SLC5A6: variants seen among roughly 807,000 people sequenced by gnomAD.
SLC5A6 encodes the protein solute carrier family 5 member 6, also known as sodium-dependent multivitamin transporter.
A neutral mutation model predicts 67.9 loss-of-function variants in SLC5A6; 31 were observed. That is an observed-to-expected ratio of 0.46 (90% CI 0.34 to 0.62). The LOEUF is 0.62. SLC5A6 is among the 20% of genes least tolerant of loss of function. The pLI, the probability that SLC5A6 is intolerant of heterozygous loss-of-function variation, is 0.01. For missense variants in SLC5A6, 673 were observed against 812.8 expected (o/e 0.83, Z 2.09); for synonymous variants, 343 against 331.0 (o/e 1.04, Z -0.39).
chr2:27,204,624 GCGTTAACAGACA>G (rs771975344), intron 8 of SLC5A6, 34 bp from the exon 9 acceptor site: 3 of 1,611,622 alleles, frequency 1.9e-6, no homozygotes, highest in Non-Finnish European at 2.5e-6. Flanking sequence ...AGGAGAGCCG[GCGTTAACAGACA>G]CCCTCAGGTG....
rs545962022 is a variant in SLC5A6 at position 27,201,063 on chromosome 2, G to A, written c.1699C>T (p.Pro567Ser). The change falls in exon 16 of 17, where the codon CCA (proline) becomes TCA (serine). Residue 567 changes from proline to serine, a missense_variant. By Grantham distance (74) the Pro-to-Ser change is moderately conservative. Coordinates refer to ENST00000310574, the MANE Select transcript of SLC5A6 (RefSeq NM_021095.4). ...LNPATIYPVLPKLLSLLPLSC... is the reference protein window; with the variant it reads ...LNPATIYPVLSKLLSLLPLSC... ...AACGGAAGGAGGGACAGGAGCTTTG[G>A]CAACACTGGGTAAATGGTTGCAGGG... 8.7e-6 allele frequency: 14 copies of A among 1,613,774 alleles called. No individual in the cohort carries two copies. In the African/African-American group the frequency reaches 1.6e-4, roughly 18 times the overall value.
At chr2:27,203,063 T>C (rs958475729) in intron 11 of SLC5A6, 170 bp downstream of exon 11, 3 of 1,494,356 alleles carry the variant, frequency 2.0e-6, no homozygotes, top group Non-Finnish European at 2.7e-6. Context: ...GAGACCTCCC[T>C]AGGACATGCC....
intron 6 of SLC5A6, 148 bp from the exon 7 acceptor site, chr2:27,205,652 TG>T: frequency 1.1e-6 from 1 of 945,866 alleles, no homozygotes. Context: ...TTTCTGTCTC[TG>T]GTGATATGTA....
chr2:27,207,020 G>C lies in SLC5A6; in HGVS notation c.394-78C>G. The C allele has an allele frequency of 1.6e-6, 2 of 1,272,382 alleles. No homozygotes were observed. The highest frequency in any genetic ancestry group is 2.3e-6 in the Non-Finnish European group (2 of 869,112). 78.8% of individuals were successfully genotyped at this position (1,272,382 alleles called of 1,614,324 possible). ...AGACAAATTCCCTCAAGATGCTCAG[G>C]AACATGAGGGAATATCCAACCCATA... On this transcript the variant is annotated intron_variant, in intron 3 of 16. Transcript: ENST00000310574. This position sits in a 1 kb window ranked among gnomAD's most constrained non-coding sequence, Gnocchi z 5.5.
intron 7 of SLC5A6, 147 bp from the exon 8 acceptor site, chr2:27,205,078 CGA>C: frequency 1.1e-6 from 1 of 900,018 alleles, no homozygotes; most frequent in Admixed American, 2.4e-5. Flanking sequence ...TGGGTGCACT[CGA>C]GAGACAGCAC....
intron 14 of SLC5A6, 93 bp downstream of exon 14, chr2:27,201,573 G>A: frequency 7.1e-7 from 1 of 1,405,556 alleles, no homozygotes; most frequent in East Asian, 2.3e-5. Flanking sequence ...CATTTCCCTG[G>A]GGCCTCTGGT....
chr2:27,200,721 G>A, intron 16 of SLC5A6, 142 bp from the exon 17 acceptor site: 2 of 713,528 alleles, frequency 2.8e-6, no homozygotes, highest in Non-Finnish European at 4.7e-6. Context: ...AAGAGGGAGG[G>A]CATAGCACAG....
chr2:27,206,421 T>A, intron 5 of SLC5A6, 62 bp downstream of exon 5: 2 of 1,488,798 alleles, frequency 1.3e-6, no homozygotes, highest in Non-Finnish European at 1.9e-6. Context: ...TCCATCTGCC[T>A]CTCCCAAAGG....
Position 27,201,452 on chromosome 2 carries a change from G to C in SLC5A6, c.1546C>G (p.Pro516Ala), listed in dbSNP as rs755123868. Residue 516 changes from proline (P) to alanine (A), a missense_variant and splice_region_variant, in exon 15 of 17, where the codon CCC becomes GCC. Coordinates refer to ENST00000310574, the MANE Select transcript of SLC5A6 (RefSeq NM_021095.4). ...GAATAGAACCGCTGCAGCCCTGTGG[G>C]CCTGGGAAGAGCAGAGGTGAGAACA... ...TLMPLTTFSK[P>A]TGLQRFYSLS... 2.5e-6 allele frequency: 4 copies of C among 1,603,208 alleles called. No individual in the cohort carries two copies. The highest frequency in any genetic ancestry group is 3.4e-6 in the Non-Finnish European group (4 of 1,170,072).
At chr2:27,212,349 G>C (rs1572408101), upstream of SLC5A6, 1 of 1,550,074 alleles carries the variant, frequency 6.5e-7, no homozygotes, top group East Asian at 2.4e-5. Context: ...GCGAGCAGCG[G>C]AGCACCAAGG....
chr2:27,212,623 A>G (rs1453592880), upstream of SLC5A6: 2 of 1,414,302 alleles, frequency 1.4e-6, no homozygotes, highest in East Asian at 5.5e-5. Flanking sequence ...GTTCCCAAGT[A>G]CTCACGTCGT....
chr2:27,205,563 C>T, intron 6 of SLC5A6, 59 bp from the exon 7 acceptor site: 4 of 1,585,542 alleles, frequency 2.5e-6, no homozygotes, highest in Non-Finnish European at 3.5e-6. Context: ...CTTGTCCAAC[C>T]TGCCTTATTT....
At chr2:27,206,258 G>A (rs956515329) in intron 5 of SLC5A6, 165 bp from the exon 6 acceptor site, 32 of 716,428 alleles carry the variant, frequency 4.5e-5, no homozygotes, top group Non-Finnish European at 6.8e-5. Context: ...TCCACCAAAA[G>A]ATATTGACTA....
chr2:27,207,569 C>CGTGGCTGGAGT lies in SLC5A6; in HGVS notation c.81_82insACTCCAGCCAC (p.Asp28ThrfsTer37), dbSNP rs1293814350. Reference sequence around the variant, plus strand: ...AGCAGCAGGACGAACACCACATAGTCCATGATGGAGAAGGTAGACATGCCC... The same window carrying CGTGGCTGGAGT: ...AGCAGCAGGACGAACACCACATAGTCGTGGCTGGAGTCATGATGGAGAAGGTAGACATGCCC... On this transcript the variant is annotated frameshift_variant, in exon 3 of 17. Transcript: ENST00000310574. LOFTEE classifies it high-confidence loss of function. The surrounding 1 kb of genome is among the most constrained non-coding windows in gnomAD (Gnocchi z 5.5). 1 of 1,614,122 alleles carries CGTGGCTGGAGT rather than the reference C, an allele frequency of 6.2e-7. No individual in the cohort carries two copies. The highest frequency in any genetic ancestry group is 1.3e-5 in the African/African-American group (1 of 74,938).
chr2:27,205,025 G>C, intron 7 of SLC5A6, 94 bp from the exon 8 acceptor site: 7 of 1,471,496 alleles, frequency 4.8e-6, no homozygotes, highest in Non-Finnish European at 6.5e-6. Context: ...GGAAAGGAGA[G>C]ACACCACTGC....
At position 27,202,077 on chromosome 2, in the gene SLC5A6, A is replaced by G; in HGVS notation, c.1276-3T>C. 1 of 1,610,300 alleles carries G rather than the reference A, an allele frequency of 6.2e-7. No individual in the cohort carries two copies. Among genetic ancestry groups the G allele is most frequent in the South Asian group, 1.1e-5 (1 of 90,998 alleles). ...ATGCCAAAGATGCTGATTGCTGCCT[A>G]GGAGGACAGGGTGAGAAGAAAAGGA... On this transcript the variant is annotated splice_polypyrimidine_tract_variant and splice_region_variant and intron_variant, in intron 12 of 16. Coordinates refer to ENST00000310574, the MANE Select transcript of SLC5A6 (RefSeq NM_021095.4).
In SLC5A6 at chr2:27,207,644, C is replaced by T; in HGVS notation, c.7G>A (p.Val3Ile). 1.1e-5 allele frequency: 17 copies of T among 1,610,160 alleles called. No homozygotes were observed. Among genetic ancestry groups the T allele is most frequent in the Non-Finnish European group, 1.4e-5 (17 of 1,177,120 alleles). The change falls in exon 3 of 17, where the codon GTA (valine) becomes ATA (isoleucine). Residue 3 changes from valine to isoleucine, a missense_variant. Physicochemically the swap from Val to Ile is conservative, Grantham distance 29. Transcript: ENST00000310574. The surrounding 1 kb of genome is among the most constrained non-coding windows in gnomAD (Gnocchi z 5.5). MS[V>I]GVSTSAPLSP... Reference sequence around the variant, plus strand: ...AGAGGGGCTGAGGTGCTCACCCCTACACTCATATCCTCACTGTGTCTGTGA... The same window carrying T: ...AGAGGGGCTGAGGTGCTCACCCCTATACTCATATCCTCACTGTGTCTGTGA...
chr2:27,202,643 G>A (rs945859074), intron 12 of SLC5A6, among the ~76,000 whole-genome samples, 170 bp downstream of exon 12: 4 of 151,790 alleles, frequency 2.6e-5, no homozygotes, highest in Admixed American at 6.6e-5. Context: ...ATGACCCTGC[G>A]TCCTCTGGCT....
At chr2:27,200,885 C>G (rs934811887) in intron 16 of SLC5A6, 113 bp downstream of exon 16, 1 of 709,958 alleles carries the variant, frequency 1.4e-6, no homozygotes, top group Admixed American at 2.5e-5. Flanking sequence ...CTTAGCTGAT[C>G]CTGAGAGAGG....
Sources: gnomAD v4.1 joint callset for allele counts (sites outside exome capture counted in the v4.1 genomes callset) on GRCh38, gnomAD v4.1.1 for gene constraint, Gnocchi (gnomAD v3.1) non-coding constraint, MANE v1.5 for transcripts, NCBI Gene and HGNC (gene_info 2026-07-23, HGNC 2026-07-21) for gene names.